COX10: variants seen among roughly 807,000 people sequenced by gnomAD.
COX10 encodes protoheme IX farnesyltransferase, mitochondrial.
A neutral mutation model predicts 37.3 loss-of-function variants in COX10; 27 were observed. The ratio of observed to expected loss-of-function variants is 0.72; its 90% CI spans 0.53 to 1.00. The LOEUF (loss-of-function observed/expected upper bound fraction) is 1.00. COX10 is among the 50% of genes least tolerant of loss of function. COX10 has a pLI of 0.00. For synonymous variants in COX10, 222 were observed against 229.1 expected (o/e 0.97, Z 0.28); for missense variants, 475 against 563.2 (o/e 0.84, Z 1.59).
At chr17:14,181,994 G>T in intron 5 of COX10, 4 of 960,514 alleles carry the variant, frequency 4.2e-6, no homozygotes, top group Non-Finnish European at 4.9e-6. Context: ...ATTCATTTTG[G>T]TATTTTTTTC....
chr17:14,123,808 C>T (rs574321742), intron 4 of COX10, among the ~76,000 whole-genome samples: 5 of 152,216 alleles, frequency 3.3e-5, no homozygotes, highest in Admixed American at 1.3e-4. Flanking sequence ...GGAAGGGCTA[C>T]CAATATGAGA....
At chr17:14,165,159 G>A (rs1426492544) in intron 5 of COX10, among the ~76,000 whole-genome samples, 1 of 152,186 alleles carries the variant, frequency 6.6e-6, no homozygotes, top group Non-Finnish European at 1.5e-5. Flanking sequence ...TAAATGTAAA[G>A]TGTAATGTAT....
At chr17:14,188,389 G>A (rs979302361) in intron 5 of COX10, among the ~76,000 whole-genome samples, 1 of 151,688 alleles carries the variant, frequency 6.6e-6, no homozygotes, top group Admixed American at 6.6e-5. Context: ...TGTGTGCCAT[G>A]TTGGGAAGAT....
At chr17:14,167,539 G>C (rs1278913778) in intron 5 of COX10, among the ~76,000 whole-genome samples, 1 of 152,152 alleles carries the variant, frequency 6.6e-6, no homozygotes, top group Admixed American at 6.5e-5. Context: ...TTTTCGCACT[G>C]ATATAAAGAA....
rs16948974 is a variant in COX10 at position 14,073,638 on chromosome 17, T to G, written c.44-685T>G. On this transcript the variant is annotated intron_variant, in intron 1 of 6. Transcript: ENST00000261643. ...GCATACATAGCAAGAATAGACACCA[T>G]CTGCAACTGAGAAATAGAATGCAGA... is the stretch of plus-strand genomic sequence containing the variant. Among the ~76,000 whole-genome samples, 1,195 of 152,306 alleles carry G rather than the reference T, an allele frequency of 7.8e-3. 14 individuals carry two copies. The highest frequency in any genetic ancestry group is 0.028 in the African/African-American group (1,145 of 41,566).
At chr17:14,080,715 T>C (rs905349560) in intron 3 of COX10, among the ~76,000 whole-genome samples, 3 of 152,244 alleles carry the variant, frequency 2.0e-5, no homozygotes, top group African/African-American at 4.8e-5. Context: ...TCATTCCTTA[T>C]TGACTTTTTA....
intron 5 of COX10, among the ~76,000 whole-genome samples, chr17:14,186,493 C>T (rs1455609808): frequency 2.0e-5 from 3 of 151,858 alleles, no homozygotes; most frequent in African/African-American, 7.3e-5. Flanking sequence ...CCCCTGTCCA[C>T]CACCCAGCAT....
At chr17:14,163,202 CAA>C (rs1481164666) in intron 5 of COX10, among the ~76,000 whole-genome samples, 1 of 151,708 alleles carries the variant, frequency 6.6e-6, no homozygotes, top group Non-Finnish European at 1.5e-5. Flanking sequence ...TCCTTTTACC[CAA>C]AATAACATAG....
At chr17:14,182,848 C>T (rs2142257116) in intron 5 of COX10, among the ~76,000 whole-genome samples, 1 of 150,590 alleles carries the variant, frequency 6.6e-6, no homozygotes, top group South Asian at 2.1e-4. Flanking sequence ...TGAGACATTA[C>T]TTAACAGAAA....
intron 6 of COX10, among the ~76,000 whole-genome samples, chr17:14,206,191 G>A (rs4792444): frequency 0.83 from 126,805 of 151,988 alleles, 53,870 homozygotes; most frequent in East Asian, 0.99. Context: ...AGGTACATCC[G>A]GCTCTGTGTC....
intron 5 of COX10, among the ~76,000 whole-genome samples, chr17:14,167,310 A>G (rs899127556): frequency 6.6e-6 from 1 of 152,222 alleles, no homozygotes; most frequent in Non-Finnish European, 1.5e-5. Context: ...GACCCAATGT[A>G]TTTCTGACGA....
intron 5 of COX10, among the ~76,000 whole-genome samples, chr17:14,172,744 A>AT (rs983682929): frequency 3.3e-5 from 5 of 150,024 alleles, no homozygotes; most frequent in South Asian, 4.2e-4. Flanking sequence ...GGCCTAGGTA[A>AT]TTTTTTTTTA....
intron 4 of COX10, among the ~76,000 whole-genome samples, chr17:14,117,561 T>C (rs1389030943): frequency 1.3e-5 from 2 of 152,194 alleles, no homozygotes; most frequent in Non-Finnish European, 2.9e-5. Flanking sequence ...TCAGGGCGTG[T>C]GACAGGGGTG....
At position 14,090,912 on chromosome 17, in the gene COX10, C is replaced by T. The variant is rs559087604; in HGVS notation, c.500-11206C>T. 6.6e-5 allele frequency among the ~76,000 whole-genome samples: 10 copies of T among 152,274 alleles called. 2 individuals are homozygous for T. Among genetic ancestry groups the T allele is most frequent in the African/African-American group, 2.2e-4 (9 of 41,544 alleles). ...TGACTATTACATTTCCATTGCCCAG[C>T]GCGGTGCCTTGCAAATAATAGGTGC... On this transcript the variant is annotated intron_variant, in intron 3 of 6. Coordinates refer to ENST00000261643, the MANE Select transcript of COX10 (RefSeq NM_001303.4).
chr17:14,084,489 G>A (rs1489454775), intron 3 of COX10, among the ~76,000 whole-genome samples: 12 of 151,830 alleles, frequency 7.9e-5, no homozygotes, highest in Non-Finnish European at 8.8e-5. Flanking sequence ...AGAAATATAC[G>A]ATCGTAGCGT....
chr17:14,083,171 A>G (rs1915336520), intron 3 of COX10, among the ~76,000 whole-genome samples: 1 of 152,184 alleles, frequency 6.6e-6, no homozygotes, highest in Non-Finnish European at 1.5e-5. Flanking sequence ...TTTCCCTTGT[A>G]TTATTTTATA....
chr17:14,189,688 T>A (rs564164577), intron 5 of COX10, among the ~76,000 whole-genome samples: 3 of 152,252 alleles, frequency 2.0e-5, no homozygotes, highest in Non-Finnish European at 4.4e-5. Context: ...CCATGCATAG[T>A]CTTTTCAGAA....
chr17:14,087,940 A>G (rs1040207247), intron 3 of COX10, among the ~76,000 whole-genome samples: 2 of 151,916 alleles, frequency 1.3e-5, no homozygotes, highest in Non-Finnish European at 2.9e-5. Flanking sequence ...AATTATGTCA[A>G]GTTGAGGCCC....
chr17:14,201,419 T>A (rs1188927339), intron 6 of COX10, among the ~76,000 whole-genome samples: 1 of 152,210 alleles, frequency 6.6e-6, no homozygotes, highest in Non-Finnish European at 1.5e-5. Context: ...ATTTGTGACA[T>A]GAGCCAAACC....
Sources: allele counts gnomAD v4.1 joint callset (sites outside exome capture counted in the v4.1 genomes callset), GRCh38; gene constraint gnomAD v4.1.1; transcripts MANE v1.5; gene names NCBI Gene and HGNC (gene_info 2026-07-23, HGNC 2026-07-21).